The following TDRD10 variants were observed in gnomAD, a reference collection of about 807,000 sequenced individuals.
TDRD10 encodes tudor domain containing 10.
Under a neutral mutation model 48.0 loss-of-function variants are expected in TDRD10, and 40 were observed. The observed-to-expected ratio is 0.83, with a 90% CI of 0.65 to 1.09. The LOEUF is 1.09. TDRD10 is among the 50% of genes least tolerant of loss of function. The pLI is 0.00. For missense variants in TDRD10, 378 were observed against 434.7 expected (o/e 0.87, Z 1.16); for synonymous variants, 162 against 170.4 (o/e 0.95, Z 0.38).
chr1:154,538,755 AGGCAGG>A (rs1695059134), intron 6 of TDRD10, among the ~76,000 whole-genome samples: 1 of 151,430 alleles, frequency 6.6e-6, no homozygotes. Context: ...CGGGAGGCTG[AGGCAGG>A]AGAATGGTAT....
At chr1:154,515,993 A>G (rs886764216) in intron 4 of TDRD10, among the ~76,000 whole-genome samples, 2 of 152,174 alleles carry the variant, frequency 1.3e-5, no homozygotes, top group African/African-American at 2.4e-5. Context: ...CTGGGATTAC[A>G]GGCATGAGGC....
chr1:154,531,794 C>A (rs915412745), intron 6 of TDRD10, among the ~76,000 whole-genome samples: 3 of 152,192 alleles, frequency 2.0e-5, no homozygotes, highest in Admixed American at 2.0e-4. Context: ...GTCCATTTTA[C>A]AGAGAGCTGA....
chr1:154,511,476 A>G (rs919553575), intron 4 of TDRD10, among the ~76,000 whole-genome samples: 46 of 151,138 alleles, frequency 3.0e-4, no homozygotes, highest in African/African-American at 1.1e-3. Context: ...TACTAATAAT[A>G]CAAATATTAC....
intron 6 of TDRD10, among the ~76,000 whole-genome samples, chr1:154,541,049 C>G (rs566177913): frequency 6.6e-6 from 1 of 152,122 alleles, no homozygotes; most frequent in African/African-American, 2.4e-5. Context: ...GCACAGAGAC[C>G]GTGAAACTGT....
chr1:154,504,977 A>T (rs1693061403), intron 1 of TDRD10, among the ~76,000 whole-genome samples: 1 of 152,184 alleles, frequency 6.6e-6, no homozygotes, highest in Non-Finnish European at 1.5e-5. Flanking sequence ...ACAGAGTGAG[A>T]CCCTGTCTCA....
chr1:154,504,373 T>A (rs1693026304), intron 1 of TDRD10, among the ~76,000 whole-genome samples: 1 of 152,252 alleles, frequency 6.6e-6, no homozygotes, highest in Non-Finnish European at 1.5e-5. Context: ...TGAATTTCTC[T>A]TGAATAGTTA....
intron 6 of TDRD10, among the ~76,000 whole-genome samples, chr1:154,536,579 T>C (rs1259436211): frequency 6.6e-6 from 1 of 152,240 alleles, no homozygotes; most frequent in Non-Finnish European, 1.5e-5. Context: ...CCCATTTAAG[T>C]GTACAGCTTG....
At chr1:154,507,357 C>G (rs1161239824) in intron 3 of TDRD10, 37 bp downstream of exon 3, 6 of 1,609,148 alleles carry the variant, frequency 3.7e-6, no homozygotes, top group Admixed American at 1.7e-5. Context: ...TGCTGGGACT[C>G]TCATCCTACA....
chr1:154,507,876 T>C (rs1693238232), intron 3 of TDRD10, among the ~76,000 whole-genome samples: 1 of 152,230 alleles, frequency 6.6e-6, no homozygotes, highest in Admixed American at 6.5e-5. Flanking sequence ...CTGTTCCCTC[T>C]GCCTGGATTC....
chr1:154,534,398 T>A (rs146318507), intron 6 of TDRD10: 1 of 152,372 alleles, frequency 6.6e-6, no homozygotes, highest in East Asian at 1.9e-4. Context: ...TAGGTGAAGA[T>A]GCATAAAAGC....
intron 6 of TDRD10, among the ~76,000 whole-genome samples, chr1:154,534,137 T>C (rs1050589179): frequency 1.2e-4 from 18 of 152,182 alleles, no homozygotes; most frequent in Admixed American, 9.8e-4. Flanking sequence ...CTCAGCCATT[T>C]GTTTACAGAT....
At chr1:154,538,798 A>T (rs1026618558) in intron 6 of TDRD10, among the ~76,000 whole-genome samples, 1 of 100,252 alleles carries the variant, frequency 1.0e-5, no homozygotes. Context: ...GCTTGCAGTG[A>T]GCCTAGATTG....
intron 6 of TDRD10, among the ~76,000 whole-genome samples, chr1:154,522,544 A>T (rs1037320784): frequency 2.6e-5 from 4 of 152,108 alleles, no homozygotes; most frequent in Non-Finnish European, 5.9e-5. Flanking sequence ...ACTGGCTCAC[A>T]CCTGTAATCC....
At chr1:154,523,825 T>C (rs1166077968) in intron 6 of TDRD10, among the ~76,000 whole-genome samples, 1 of 152,190 alleles carries the variant, frequency 6.6e-6, no homozygotes. Context: ...CTAACTGGTC[T>C]CAGTATATGT....
chr1:154,520,297 G>A lies in TDRD10; in HGVS notation c.142-7G>A. The A allele has an allele frequency of 3.1e-6, 5 of 1,609,544 alleles. No individual in the cohort carries two copies. In the South Asian group the frequency reaches 4.4e-5, roughly 14 times the overall value. On this transcript the variant is annotated splice_region_variant and splice_polypyrimidine_tract_variant and intron_variant, in intron 4 of 12. Transcript: ENST00000368482. ...GGGTCTCTCTCTTTTAAACCCTGCT[G>A]TTGTAGGAGGAAATTCTGTACCTTC... is the stretch of plus-strand genomic sequence containing the variant.
intron 11 of TDRD10, among the ~76,000 whole-genome samples, chr1:154,546,547 G>C (rs1695597965): frequency 6.7e-6 from 1 of 148,568 alleles, no homozygotes; most frequent in Non-Finnish European, 1.5e-5. Flanking sequence ...CAGGGCCAAG[G>C]CTTCCTGGGA....
At position 154,508,406 on chromosome 1, in the gene TDRD10, G is replaced by A; in HGVS notation, c.83-17G>A. On this transcript the variant is annotated splice_polypyrimidine_tract_variant and intron_variant, in intron 3 of 12. Transcript: ENST00000368482. ...ACCGTATGTATGCCTGCCATTTAAT[G>A]CTGTTTTTCTTCTTAGGATTCAAGA... is the stretch of plus-strand genomic sequence containing the variant. 6.3e-7 allele frequency: 1 copy of A among 1,579,572 alleles called. No homozygotes were observed. The highest frequency in any genetic ancestry group is 1.1e-5 in the South Asian group (1 of 90,386).
At chr1:154,541,934 G>C in intron 6 of TDRD10, 90 bp from the exon 7 acceptor site, 1 of 1,341,664 alleles carries the variant, frequency 7.5e-7, no homozygotes, top group Non-Finnish European at 1.0e-6. Context: ...CCGATGCTCT[G>C]TCTCCCAGTC....
At chr1:154,518,357 G>T (rs1052277082) in intron 4 of TDRD10, among the ~76,000 whole-genome samples, 3 of 152,124 alleles carry the variant, frequency 2.0e-5, no homozygotes, top group Non-Finnish European at 4.4e-5. Flanking sequence ...TTACTTTTAT[G>T]ATTTAAAATG....
Sources: allele counts gnomAD v4.1 joint callset (sites outside exome capture counted in the v4.1 genomes callset), GRCh38; gene constraint gnomAD v4.1.1; transcripts MANE v1.5; gene names NCBI Gene and HGNC (gene_info 2026-07-23, HGNC 2026-07-21).